The following SLC35G3 variants were observed in gnomAD, a reference collection of about 807,000 sequenced individuals.
SLC35G3 encodes acyl-malonyl-condensing enzyme 1.
In SLC35G3, 10 loss-of-function variants were observed where a neutral mutation model predicts 17.9. That is an observed-to-expected ratio of 0.56 (90% confidence interval 0.34 to 0.95). The LOEUF (loss-of-function observed/expected upper bound fraction) is 0.95. SLC35G3 is among the 40% of genes least tolerant of loss of function. The probability of loss-of-function intolerance (pLI) is 0.02; values close to 1 mark genes in which losing one functional copy is unlikely to be tolerated. For synonymous variants in SLC35G3, 208 were observed against 197.7 expected, an observed-to-expected ratio of 1.05 and a Z score of -0.44; for missense variants, 384 against 433.6, an observed-to-expected ratio of 0.89 and a Z score of 1.02.
chr17:35,194,014 A>C lies in SLC35G3; in HGVS notation c.294T>G (p.Pro98=). Residue 98 remains proline (P), a synonymous_variant, in exon 1 of 1, where the codon CCT becomes CCG. Transcript: ENST00000297307. Reference sequence around the variant, plus strand: ...AGAAGAAGGCCCGGCTTCGGATGTCAGGAGTTCCCAGAAGGGGGTCGCCAC... The same window carrying C: ...AGAAGAAGGCCCGGCTTCGGATGTCCGGAGTTCCCAGAAGGGGGTCGCCAC... ...KLRGDPLLGT[P]DIRSRAFFCA... The C allele has an allele frequency of 6.2e-7, 1 of 1,614,046 alleles. No individual in the cohort carries two copies. The highest frequency in any genetic ancestry group is 8.5e-7 in the Non-Finnish European group (1 of 1,179,872).
At position 35,193,259 on chromosome 17, in the gene SLC35G3, C is replaced by G; in HGVS notation, c.*32G>C. 1.9e-6 allele frequency: 3 copies of G among 1,611,818 alleles called. No individual in the cohort carries two copies. The South Asian group carries it at 3.3e-5, about 18-fold the overall frequency. Reference sequence around the variant, plus strand: ...AGTCTTTGCCTTTATTTATCCCTGTCCCTCCCAACCCCCGGGCTCCCAAGT... The same window carrying G: ...AGTCTTTGCCTTTATTTATCCCTGTGCCTCCCAACCCCCGGGCTCCCAAGT... On this transcript the variant is annotated 3_prime_UTR_variant, in exon 1 of 1. Coordinates refer to ENST00000297307, the MANE Select transcript of SLC35G3 (RefSeq NM_152462.2).
chr17:35,193,168 C>T lies in SLC35G3; in HGVS notation c.*123G>A. 10 of 1,521,240 alleles carry T rather than the reference C, an allele frequency of 6.6e-6. No homozygotes were observed. In the South Asian group the frequency reaches 1.1e-4, roughly 17 times the overall value. The allele number at this position is 1,521,240 out of a possible 1,614,324, so 94.2% of individuals were successfully genotyped here. On this transcript the variant is annotated 3_prime_UTR_variant, in exon 1 of 1. Transcript: ENST00000297307. The stretch of plus-strand genomic sequence containing the variant: ...CACCAAGTCCCCAAGTCACCCTTGA[C>T]TCTGAGAGGTATCCCTCTCCCACAC...
rs772645172 is a variant in SLC35G3, at chr17:35,193,843, A to G, written c.465T>C (p.Ser155=). 5.0e-6 allele frequency: 8 copies of G among 1,613,872 alleles called. No homozygotes were observed. In the Admixed American group the frequency reaches 1.2e-4, roughly 24 times the overall value. The change falls in exon 1 of 1, where the codon AGT becomes AGC. Residue 155 remains serine (S), a synonymous_variant. Coordinates refer to ENST00000297307, the MANE Select transcript of SLC35G3 (RefSeq NM_152462.2). ...LTLCLESQGL[S]GYDWCGLLGC... ...CCAACAGTCCACACCAGTCGTAGCCACTGAGACCCTGGCTCTCAAGGCAGA... is the reference window on the plus strand; with the variant it reads ...CCAACAGTCCACACCAGTCGTAGCCGCTGAGACCCTGGCTCTCAAGGCAGA...
Position 35,192,729 on chromosome 17 carries a change from C to A in SLC35G3, c.*562G>T. ...ACTGCATATGATAAAATATTTGTGCCAAAATAAATTCATGGCTTTTAAAAT... is the reference window on the plus strand; with the variant it reads ...ACTGCATATGATAAAATATTTGTGCAAAAATAAATTCATGGCTTTTAAAAT... On this transcript the variant is annotated 3_prime_UTR_variant, in exon 1 of 1. Transcript: ENST00000297307. The A allele has an allele frequency of 6.3e-6, 1 of 159,886 alleles. No homozygotes were observed. Among genetic ancestry groups the A allele is most frequent in the Non-Finnish European group, 1.4e-5 (1 of 73,076 alleles). The allele number at this position is 159,886 out of a possible 1,614,324, so 9.9% of individuals were successfully genotyped here.
At position 35,193,620 on chromosome 17, in the gene SLC35G3, C is replaced by G; in HGVS notation, c.688G>C (p.Gly230Arg). ...PTVAFLSGLVGLLGSVPGLFV... is the reference protein window; with the variant it reads ...PTVAFLSGLVRLLGSVPGLFV... ...AGGCCTGGCACAGAGCCCAGCAGCCCCACCAAGCCAGATAGGAAGGCCACT... is the reference window on the plus strand; with the variant it reads ...AGGCCTGGCACAGAGCCCAGCAGCCGCACCAAGCCAGATAGGAAGGCCACT... Residue 230 changes from glycine (G) to arginine (R), a missense_variant, in exon 1 of 1, where the codon GGG (glycine) becomes CGG (arginine). Coordinates refer to ENST00000297307, the MANE Select transcript of SLC35G3 (RefSeq NM_152462.2). 6.2e-7 allele frequency: 1 copy of G among 1,612,050 alleles called. No individual in the cohort carries two copies. Among genetic ancestry groups the G allele is most frequent in the Non-Finnish European group, 8.5e-7 (1 of 1,179,868 alleles).
At position 35,193,777 on chromosome 17, in the gene SLC35G3, G is replaced by T; in HGVS notation, c.531C>A (p.Leu177=). 1.2e-6 allele frequency: 2 copies of T among 1,613,074 alleles called. No individual in the cohort carries two copies. The highest frequency in any genetic ancestry group is 1.7e-6 in the Non-Finnish European group (2 of 1,179,906). Residue 177 remains leucine, a synonymous_variant, in exon 1 of 1, where the codon CTC becomes CTA. Coordinates refer to ENST00000297307, the MANE Select transcript of SLC35G3 (RefSeq NM_152462.2). ...CCGTGGTCCCCTCCTGTAGTGTCCA[G>T]AGTCCAGGTCCCACAATGATGATTA... ...LGLIIIVGPG[L]WTLQEGTTGV... is the part of the protein sequence containing the mutation.
At position 35,194,258 on chromosome 17, in the gene SLC35G3, G is replaced by A. The variant is rs779927430; in HGVS notation, c.50C>T (p.Ser17Leu). The change falls in exon 1 of 1, where the codon TCG becomes TTG. Residue 17 changes from serine (S) to leucine (L), a missense_variant. Physicochemically the swap from Ser to Leu is moderately radical, Grantham distance 145. Transcript: ENST00000297307. ...YFNQPDSTHP[S>L]PPSAPPSLRW... Reference sequence around the variant, plus strand: ...GAGGCTGGGTGGAGCGGAGGGCGGCGATGGGTGTGTGGAGTCAGGCTGGTT... The same window carrying A: ...GAGGCTGGGTGGAGCGGAGGGCGGCAATGGGTGTGTGGAGTCAGGCTGGTT... 2 of 1,613,404 alleles carry A rather than the reference G, an allele frequency of 1.2e-6. No homozygotes were observed. The highest frequency in any genetic ancestry group is 1.7e-6 in the Non-Finnish European group (2 of 1,179,674).
chr17:35,193,341 T>C lies in SLC35G3; in HGVS notation c.967A>G (p.Ile323Val). Reference sequence around the variant, plus strand: ...TCACAGCTGAGGTTCTGGGCTGTAATGATGGCAATGCTGCCCAGCACAACC... The same window carrying C: ...TCACAGCTGAGGTTCTGGGCTGTAACGATGGCAATGCTGCCCAGCACAACC... Reference protein sequence around the residue: ...AGVVLGSIAIITAQNLSCERT... With the variant: ...AGVVLGSIAIVTAQNLSCERT... Residue 323 changes from isoleucine to valine, a missense_variant, in exon 1 of 1, where the codon ATT (isoleucine) becomes GTT (valine). Transcript: ENST00000297307. 6.2e-7 allele frequency: 1 copy of C among 1,611,996 alleles called. No homozygotes were observed. The highest frequency in any genetic ancestry group is 8.5e-7 in the Non-Finnish European group (1 of 1,179,860).
Position 35,194,369 on chromosome 17 carries a change from C to T in SLC35G3, c.-62G>A. 6.5e-7 allele frequency: 1 copy of T among 1,543,302 alleles called. No individual in the cohort carries two copies. Among genetic ancestry groups the T allele is most frequent in the South Asian group, 1.3e-5 (1 of 77,900 alleles). Reference sequence around the variant, plus strand: ...GAGCCTGGGCCCCTCAGAGCTCCAGCCATTGTGACCTCATTGGAGTGGGGG... The same window carrying T: ...GAGCCTGGGCCCCTCAGAGCTCCAGTCATTGTGACCTCATTGGAGTGGGGG... On this transcript the variant is annotated 5_prime_UTR_variant, in exon 1 of 1. It introduces an in-frame stop codon into an upstream open reading frame of the 5' UTR. Transcript: ENST00000297307.
At position 35,193,939 on chromosome 17, in the gene SLC35G3, C is replaced by G. The variant is rs766352160; in HGVS notation, c.369G>C (p.Gln123His). The G allele has an allele frequency of 1.2e-6, 2 of 1,614,012 alleles. No homozygotes were observed. The highest frequency in any genetic ancestry group is 2.2e-5 in the East Asian group (1 of 44,886). The change falls in exon 1 of 1, where the codon CAG (glutamine) becomes CAC (histidine). Residue 123 changes from glutamine to histidine, a missense_variant. Coordinates refer to ENST00000297307, the MANE Select transcript of SLC35G3 (RefSeq NM_152462.2). ...TGGCAGCGTTGCCAGCGGGCACCAC[C>G]TGAACCGCACTGTAGGCACATCCAA... ...LSIGCAYSAVQVVPAGNAATV... is the reference protein window; with the variant it reads ...LSIGCAYSAVHVVPAGNAATV...
chr17:35,193,443 C>T lies in SLC35G3; in HGVS notation c.865G>A (p.Glu289Lys), dbSNP rs778000931. The T allele has an allele frequency of 9.3e-6, 15 of 1,611,918 alleles. No individual in the cohort carries two copies. The highest frequency in any genetic ancestry group is 5.3e-5 in the African/African-American group (4 of 74,856). ...TGCAGTATAAGGGCCACAACCACCT[C>T]GGAATGTAGGACAGCGCACACCAGG... is the stretch of plus-strand genomic sequence containing the variant. ...PALVCAVLHS[E>K]VVVALILQYY... Residue 289 changes from glutamate to lysine, a missense_variant, in exon 1 of 1, where the codon GAG becomes AAG. Glu to Lys is a moderately conservative substitution (Grantham distance 56, BLOSUM62 1). Coordinates refer to ENST00000297307, the MANE Select transcript of SLC35G3 (RefSeq NM_152462.2).
At position 35,192,890 on chromosome 17, in the gene SLC35G3, G is replaced by A; in HGVS notation, c.*401C>T. The A allele has an allele frequency of 3.8e-6, 1 of 262,702 alleles. No homozygotes were observed. Among genetic ancestry groups the A allele is most frequent in the South Asian group, 6.0e-5 (1 of 16,690 alleles). 16.3% of individuals were successfully genotyped at this position (262,702 alleles called of 1,614,324 possible). Reference sequence around the variant, plus strand: ...GGAAAGGAAACCTTCCCCGTGAGGGGAGGGGTGGGGAGGCACGCTTCCCTC... The same window carrying A: ...GGAAAGGAAACCTTCCCCGTGAGGGAAGGGGTGGGGAGGCACGCTTCCCTC... On this transcript the variant is annotated 3_prime_UTR_variant, in exon 1 of 1. Coordinates refer to ENST00000297307, the MANE Select transcript of SLC35G3 (RefSeq NM_152462.2).
In SLC35G3 at chr17:35,193,928, G is replaced by T; in HGVS notation, c.380C>A (p.Ala127Asp). ...TTTGCGAACAGTGGCAGCGTTGCCA[G>T]CGGGCACCACCTGAACCGCACTGTA... ...CAYSAVQVVP[A>D]GNAATVRKGS... Residue 127 changes from alanine to aspartate, a missense_variant, in exon 1 of 1, where the codon GCT becomes GAT. By Grantham distance (126) the Ala-to-Asp change is moderately radical. Coordinates refer to ENST00000297307, the MANE Select transcript of SLC35G3 (RefSeq NM_152462.2). The T allele has an allele frequency of 6.2e-7, 1 of 1,614,036 alleles. No homozygotes were observed.
rs1372650940 is a variant in SLC35G3, at chr17:35,193,611, C to T, written c.697G>A (p.Gly233Ser). ...AFLSGLVGLL[G>S]SVPGLFVLQA... ...AGCACAAAGAGGCCTGGCACAGAGC[C>T]CAGCAGCCCCACCAAGCCAGATAGG... The change falls in exon 1 of 1, where the codon GGC becomes AGC. Residue 233 changes from glycine (G) to serine (S), a missense_variant. Gly to Ser is a moderately conservative substitution (Grantham distance 56). Coordinates refer to ENST00000297307, the MANE Select transcript of SLC35G3 (RefSeq NM_152462.2). 6.2e-7 allele frequency: 1 copy of T among 1,612,022 alleles called. No individual in the cohort carries two copies. The highest frequency in any genetic ancestry group is 8.5e-7 in the Non-Finnish European group (1 of 1,179,852).
At position 35,193,538 on chromosome 17, in the gene SLC35G3, C is replaced by T. The variant is rs1192856920; in HGVS notation, c.770G>A (p.Gly257Glu). Residue 257 changes from glycine to glutamate, a missense_variant, in exon 1 of 1, where the codon GGG becomes GAG. By Grantham distance (98) the Gly-to-Glu change is moderately conservative. Transcript: ENST00000297307. ...GACCAAGGCGAGGATCCCCACTGCC[C>T]CCACACAACTCCAACTCAGGAGGTC... ...PSDLLSWSCV[G>E]AVGILALVSF... The T allele has an allele frequency of 1.2e-6, 2 of 1,611,946 alleles. No homozygotes were observed. Among genetic ancestry groups the T allele is most frequent in the Admixed American group, 1.7e-5 (1 of 60,006 alleles).
Position 35,194,382 on chromosome 17 carries a change from A to C in SLC35G3, c.-75T>G, listed in dbSNP as rs2092337820. ...TCAGAGCTCCAGCCATTGTGACCTC[A>C]TTGGAGTGGGGGTGGGATTCTTCCC... On this transcript the variant is annotated 5_prime_UTR_variant, in exon 1 of 1. It removes an upstream start codon present in the reference 5' UTR. Transcript: ENST00000297307. 1.3e-6 allele frequency: 2 copies of C among 1,526,852 alleles called. No individual in the cohort carries two copies. The highest frequency in any genetic ancestry group is 1.4e-5 in the African/African-American group (1 of 71,902). 94.6% of individuals were successfully genotyped at this position (1,526,852 alleles called of 1,614,324 possible).
At position 35,194,372 on chromosome 17, in the gene SLC35G3, T is replaced by C. The variant is rs1284900636; in HGVS notation, c.-65A>G. ...CCTGGGCCCCTCAGAGCTCCAGCCA[T>C]TGTGACCTCATTGGAGTGGGGGTGG... On this transcript the variant is annotated 5_prime_UTR_variant, in exon 1 of 1. It removes an upstream start codon present in the reference 5' UTR. Coordinates refer to ENST00000297307, the MANE Select transcript of SLC35G3 (RefSeq NM_152462.2). 3 of 1,542,164 alleles carry C rather than the reference T, an allele frequency of 1.9e-6. No homozygotes were observed. The highest frequency in any genetic ancestry group is 2.6e-6 in the Non-Finnish European group (3 of 1,150,648).
Position 35,193,195 on chromosome 17 carries a change from A to G in SLC35G3, c.*96T>C. 6.4e-7 allele frequency: 1 copy of G among 1,571,862 alleles called. No individual in the cohort carries two copies. The highest frequency in any genetic ancestry group is 8.6e-7 in the Non-Finnish European group (1 of 1,158,464). ...CTGAGAGGTATCCCTCTCCCACACC[A>G]GTTCTTTTCCAGTCACTTCTCCTCC... On this transcript the variant is annotated 3_prime_UTR_variant, in exon 1 of 1. Coordinates refer to ENST00000297307, the MANE Select transcript of SLC35G3 (RefSeq NM_152462.2).
chr17:35,193,464 C>G lies in SLC35G3; in HGVS notation c.844G>C (p.Val282Leu), dbSNP rs765974652. 2 of 1,611,996 alleles carry G rather than the reference C, an allele frequency of 1.2e-6. No homozygotes were observed. The highest frequency in any genetic ancestry group is 1.7e-6 in the Non-Finnish European group (2 of 1,179,852). Residue 282 changes from valine (V) to leucine (L), a missense_variant, in exon 1 of 1, where the codon GTG becomes CTG. Coordinates refer to ENST00000297307, the MANE Select transcript of SLC35G3 (RefSeq NM_152462.2). ...ACCTCGGAATGTAGGACAGCGCACA[C>G]CAGGGCAGGGTGGGCCTTGGTGACC... ...YAVTKAHPAL[V>L]CAVLHSEVVV...
Sources: allele counts gnomAD v4.1 joint callset, GRCh38; gene constraint gnomAD v4.1.1; transcripts MANE v1.5; gene names NCBI Gene and HGNC (gene_info 2026-07-23, HGNC 2026-07-21).